Variants in NAALADL2 observed in about 807,000 individuals in gnomAD.
The protein encoded by NAALADL2 is inactive N-acetylated-alpha-linked acidic dipeptidase-like protein 2.
In NAALADL2, 76 loss-of-function variants were observed where a neutral mutation model predicts 87.2. That is an observed-to-expected ratio of 0.87 (90% CI 0.72 to 1.05). NAALADL2 has a LOEUF of 1.05. NAALADL2 is among the 50% of genes least tolerant of loss of function. The pLI is 0.00. For missense variants in NAALADL2, 1,089 were observed against 945.8 expected, an observed-to-expected ratio of 1.15 and a Z score of -1.99; for synonymous variants, 354 against 331.0, an observed-to-expected ratio of 1.07 and a Z score of -0.75.
intron 6 of NAALADL2, among the ~76,000 whole-genome samples, chr3:175,457,287 CT>C (rs1370730821): frequency 6.6e-6 from 1 of 152,078 alleles, no homozygotes; most frequent in East Asian, 1.9e-4. Context: ...TCTCACTCTG[CT>C]TCAGTTTGTC....
chr3:174,441,048 T>A (rs917426390), intron 1 of NAALADL2: 1 of 152,068 alleles, frequency 6.6e-6, no homozygotes, highest in Non-Finnish European at 1.5e-5. Flanking sequence ...CGGAGTCCTT[T>A]TCTTTTCAAA....
rs115848734 is a variant in NAALADL2, at chr3:174,697,038, G to A, written c.-114-40603G>A. ...ATATAAAATATTTTAAATTGTAAAA[G>A]CATTTCTCATTTGCCAGTTGTTTGG... is the stretch of plus-strand genomic sequence containing the variant. On this transcript the variant is annotated intron_variant, in intron 2 of 3. Transcript: ENST00000434257. 4.2e-3 allele frequency among the ~76,000 whole-genome samples: 637 copies of A among 152,106 alleles called. 2 individuals are homozygous for A. The highest frequency in any genetic ancestry group is 0.015 in the African/African-American group (610 of 41,516).
intron 3 of NAALADL2, among the ~76,000 whole-genome samples, chr3:174,823,794 T>C (rs1721682824): frequency 6.6e-6 from 1 of 151,872 alleles, no homozygotes; most frequent in Admixed American, 6.5e-5. Flanking sequence ...CACCACAACC[T>C]CCGCCTCCCG....
intron 2 of NAALADL2, among the ~76,000 whole-genome samples, chr3:174,726,348 A>G (rs1560175217): frequency 1.3e-5 from 2 of 152,214 alleles, no homozygotes; most frequent in Non-Finnish European, 2.9e-5. Flanking sequence ...AAGGCTGTGC[A>G]GGTCCAAGAA....
At chr3:174,661,641 G>T (rs879567209) in intron 2 of NAALADL2, among the ~76,000 whole-genome samples, 7 of 151,982 alleles carry the variant, frequency 4.6e-5, no homozygotes, top group Non-Finnish European at 7.4e-5. Flanking sequence ...TTGTGTAGTG[G>T]TGAAGTCTGG....
chr3:175,545,792 T>G (rs1268355738), intron 9 of NAALADL2, among the ~76,000 whole-genome samples: 1 of 152,188 alleles, frequency 6.6e-6, no homozygotes, highest in Non-Finnish European at 1.5e-5. Flanking sequence ...TTCTGAAAGA[T>G]CTGCACATAG....
At chr3:175,455,125 G>A (rs1722130999) in intron 6 of NAALADL2, among the ~76,000 whole-genome samples, 5 of 152,034 alleles carry the variant, frequency 3.3e-5, no homozygotes. Flanking sequence ...GTCAAGCAGA[G>A]TTGTCACTGC....
At chr3:175,708,671 AT>A (rs1435949120) in intron 11 of NAALADL2, among the ~76,000 whole-genome samples, 1 of 151,902 alleles carries the variant, frequency 6.6e-6, no homozygotes, top group African/African-American at 2.4e-5. Flanking sequence ...AAAATTTCTC[AT>A]CATTATTTCT....
rs149579904 is a variant in NAALADL2, at chr3:174,572,274, G to A, written c.-115+21637G>A. On this transcript the variant is annotated intron_variant, in intron 2 of 3. Coordinates refer to the NAALADL2 transcript ENST00000434257. ...CAAGTAACCAGGACAGGAGGTGCAT[G>A]CTGCCACACCTGGCTAAAATATTGT... 5.3e-5 allele frequency among the ~76,000 whole-genome samples: 8 copies of A among 152,200 alleles called. No individual in the cohort carries two copies. The East Asian group carries it at 1.5e-3, about 29-fold the overall frequency.
intron 1 of NAALADL2, among the ~76,000 whole-genome samples, chr3:174,865,385 A>G (rs566599308): frequency 5.3e-5 from 8 of 152,106 alleles, no homozygotes; most frequent in African/African-American, 1.9e-4. Context: ...AGATCTGATT[A>G]AACTGCTGAA....
chr3:175,503,011 G>A (rs1390273725), intron 9 of NAALADL2, among the ~76,000 whole-genome samples: 2 of 151,336 alleles, frequency 1.3e-5, no homozygotes, highest in Admixed American at 1.3e-4. Context: ...GGGGTTTGGT[G>A]TAGATTATGT....
chr3:175,070,577 G>A (rs890479782), intron 1 of NAALADL2, among the ~76,000 whole-genome samples: 2 of 152,122 alleles, frequency 1.3e-5, no homozygotes, highest in Admixed American at 1.3e-4. Flanking sequence ...CATTCTGTTT[G>A]CCTAAGGTGT....
chr3:174,626,093 T>A (rs1420485364), intron 2 of NAALADL2, among the ~76,000 whole-genome samples: 7 of 150,016 alleles, frequency 4.7e-5, no homozygotes, highest in African/African-American at 1.7e-4. Context: ...TATAGATTTT[T>A]TTTTTTTTTT....
intron 1 of NAALADL2, among the ~76,000 whole-genome samples, chr3:174,899,547 T>A (rs1419018932): frequency 6.6e-6 from 1 of 152,170 alleles, no homozygotes; most frequent in Non-Finnish European, 1.5e-5. Flanking sequence ...AGGTGATGTG[T>A]CTGCTTCCCC....
At chr3:174,674,057 C>T (rs1726817583) in intron 2 of NAALADL2, among the ~76,000 whole-genome samples, 1 of 151,914 alleles carries the variant, frequency 6.6e-6, no homozygotes. Context: ...GCAGGCTGTA[C>T]AAGCATCGTG....
chr3:175,557,574 G>A (rs1235019999), intron 9 of NAALADL2, among the ~76,000 whole-genome samples: 1 of 152,050 alleles, frequency 6.6e-6, no homozygotes, highest in Non-Finnish European at 1.5e-5. Context: ...CCAGCCTCTG[G>A]TAACCATCCT....
chr3:175,149,460 T>C (rs2108773652), intron 2 of NAALADL2, among the ~76,000 whole-genome samples: 1 of 152,298 alleles, frequency 6.6e-6, no homozygotes, highest in African/African-American at 2.4e-5. Flanking sequence ...AATCAAGATG[T>C]TGATGTGAAG....
chr3:174,755,898 T>C (rs1479270044), intron 3 of NAALADL2, among the ~76,000 whole-genome samples: 2 of 152,254 alleles, frequency 1.3e-5, no homozygotes, highest in Non-Finnish European at 2.9e-5. Flanking sequence ...GCTAGCTCTT[T>C]GCTTTTGCAA....
intron 5 of NAALADL2, among the ~76,000 whole-genome samples, chr3:175,359,518 G>A (rs1391911242): frequency 7.0e-6 from 1 of 143,714 alleles, no homozygotes; most frequent in East Asian, 2.0e-4. Context: ...TTATTTAATG[G>A]AAACAGAGAG....
Sources: allele counts gnomAD v4.1 joint callset (sites outside exome capture counted in the v4.1 genomes callset), GRCh38; gene constraint gnomAD v4.1.1; transcripts MANE v1.5; gene names NCBI Gene and HGNC (gene_info 2026-07-23, HGNC 2026-07-21).